TRHDE: variants seen among roughly 807,000 people sequenced by gnomAD.
TRHDE encodes the protein thyrotropin-releasing hormone-degrading ectoenzyme.
TRHDE carries 72 observed loss-of-function variants against 125.7 expected under a neutral mutation model. The ratio of observed to expected loss-of-function variants is 0.57; its 90% CI spans 0.47 to 0.70. The LOEUF (loss-of-function observed/expected upper bound fraction) is 0.70, where lower values mean the gene tolerates loss of function less well. Among genes scored for constraint, TRHDE ranks in the 30% least tolerant of loss-of-function variants. The pLI, the probability that TRHDE is intolerant of heterozygous loss-of-function variation, is 0.00. For missense variants in TRHDE, 1,110 were observed against 1,327.1 expected (o/e 0.84, Z 2.54); for synonymous variants, 509 against 509.1 (o/e 1.00, Z 0.00).
chr12:72,482,951 T>C (rs1488011878), intron 5 of TRHDE, among the ~76,000 whole-genome samples: 1 of 119,884 alleles, frequency 8.3e-6, no homozygotes, highest in Non-Finnish European at 1.6e-5. Context: ...TGACAGGACA[T>C]ATAACTTACA....
chr12:72,486,210 A>T (rs1334669382), intron 5 of TRHDE, among the ~76,000 whole-genome samples: 2 of 152,198 alleles, frequency 1.3e-5, no homozygotes, highest in Admixed American at 6.5e-5. Context: ...TCAGAGCAAC[A>T]GTTCTTAGCT....
chr12:72,372,304 G>A (rs112674608), intron 2 of TRHDE, among the ~76,000 whole-genome samples: 4 of 152,092 alleles, frequency 2.6e-5, no homozygotes, highest in East Asian at 1.9e-4. Flanking sequence ...TTTGTCAGAT[G>A]AGTAGGTTGC....
chr12:72,655,099 G>T (rs1043331314), intron 17 of TRHDE, among the ~76,000 whole-genome samples: 1 of 152,002 alleles, frequency 6.6e-6, no homozygotes, highest in African/African-American at 2.4e-5. Flanking sequence ...TTGAGACAAG[G>T]TCTCACTCTG....
At chr12:72,194,801 CTA>C (rs1190265109) in intron 2 of TRHDE, among the ~76,000 whole-genome samples, 3 of 152,056 alleles carry the variant, frequency 2.0e-5, no homozygotes, top group Admixed American at 6.6e-5. Context: ...TAGATTGACT[CTA>C]TGTCTTTGCT....
At chr12:72,570,130 A>C (rs765224669) in intron 10 of TRHDE, among the ~76,000 whole-genome samples, 2 of 152,270 alleles carry the variant, frequency 1.3e-5, no homozygotes, top group Non-Finnish European at 2.9e-5. Flanking sequence ...GATACTGATC[A>C]AACATGGGGA....
chr12:72,186,381 C>T (rs1397756310), intron 2 of TRHDE: 1 of 155,784 alleles, frequency 6.4e-6, no homozygotes, highest in Non-Finnish European at 1.4e-5. Context: ...ACTCCAGACG[C>T]GCTGCCTTAA....
intron 2 of TRHDE, among the ~76,000 whole-genome samples, chr12:72,170,798 T>C (rs1196736378): frequency 6.6e-6 from 1 of 152,182 alleles, no homozygotes; most frequent in African/African-American, 2.4e-5. Context: ...GCATTATATA[T>C]GTGTGCCCAT....
At chr12:72,504,672 A>C (rs1878289999) in intron 6 of TRHDE, among the ~76,000 whole-genome samples, 1 of 152,240 alleles carries the variant, frequency 6.6e-6, no homozygotes, top group African/African-American at 2.4e-5. Flanking sequence ...TCAGATAATT[A>C]AAATTGCATT....
chr12:72,447,603 C>G (rs563729461), intron 3 of TRHDE, among the ~76,000 whole-genome samples: 7 of 152,102 alleles, frequency 4.6e-5, no homozygotes, highest in Non-Finnish European at 7.4e-5. Context: ...GATGGTGACT[C>G]TGATACACAC....
chr12:72,268,722 C>T (rs1045080288), upstream of TRHDE, among the ~76,000 whole-genome samples: 1 of 152,102 alleles, frequency 6.6e-6, no homozygotes, highest in Non-Finnish European at 1.5e-5. Context: ...GGAGCCAATA[C>T]ATTCACTGAA....
intron 3 of TRHDE, among the ~76,000 whole-genome samples, chr12:72,427,816 T>C (rs1466806580): frequency 6.6e-6 from 1 of 152,166 alleles, no homozygotes; most frequent in Non-Finnish European, 1.5e-5. Flanking sequence ...ATGTTCAAGA[T>C]GCTGTGAAGG....
chr12:72,522,821 C>T (rs1868271140), intron 6 of TRHDE, among the ~76,000 whole-genome samples: 1 of 152,064 alleles, frequency 6.6e-6, no homozygotes, highest in South Asian at 2.1e-4. Flanking sequence ...CAGAGCATGC[C>T]CCTCACCTCT....
At chr12:72,283,912 T>G (rs926908294) in intron 1 of TRHDE, among the ~76,000 whole-genome samples, 2 of 151,726 alleles carry the variant, frequency 1.3e-5, no homozygotes, top group African/African-American at 2.4e-5. Context: ...TATATATATA[T>G]TTCATGGAAA....
At chr12:72,100,757 C>A (rs984084535) in intron 1 of TRHDE, among the ~76,000 whole-genome samples, 2 of 152,200 alleles carry the variant, frequency 1.3e-5, no homozygotes, top group African/African-American at 4.8e-5. Context: ...AGGACCCAGT[C>A]ATTCTACCAA....
intron 3 of TRHDE, among the ~76,000 whole-genome samples, chr12:72,430,010 T>C (rs1034388474): frequency 2.0e-5 from 3 of 151,816 alleles, no homozygotes; most frequent in African/African-American, 7.2e-5. Context: ...ATTTTTAATT[T>C]TGATGAAATA....
chr12:72,373,108 C>A (rs1438113783), intron 2 of TRHDE, among the ~76,000 whole-genome samples: 2 of 152,124 alleles, frequency 1.3e-5, no homozygotes, highest in Admixed American at 6.5e-5. Flanking sequence ...TCCTTCATGT[C>A]CCTTGTAAGT....
intron 12 of TRHDE, among the ~76,000 whole-genome samples, chr12:72,583,923 C>CTTTTTTT (rs1190363456): frequency 8.3e-5 from 5 of 60,486 alleles, no homozygotes; most frequent in Admixed American, 2.3e-4. Context: ...GGATGACAAA[C>CTTTTTTT]TTTTTTTTTT....
At position 72,272,613 on chromosome 12, in the gene TRHDE, A is replaced by C; in HGVS notation, c.-31A>C. 1 of 851,714 alleles carries C rather than the reference A, an allele frequency of 1.2e-6. No homozygotes were observed. Among genetic ancestry groups the C allele is most frequent in the Non-Finnish European group, 1.7e-6 (1 of 583,826 alleles). 52.8% of individuals were successfully genotyped at this position (851,714 alleles called of 1,614,324 possible). ...GTGGCCCGCCCGCGGGGGGTGCCAGAGGGGGCGGGGGAGGAGGAGGAGGCG... is the reference window on the plus strand; with the variant it reads ...GTGGCCCGCCCGCGGGGGGTGCCAGCGGGGGCGGGGGAGGAGGAGGAGGCG... On this transcript the variant is annotated 5_prime_UTR_variant, in exon 1 of 19. Transcript: ENST00000261180. The surrounding 1 kb of genome is among the most constrained non-coding windows in gnomAD (Gnocchi z 6.7).
intron 2 of TRHDE, among the ~76,000 whole-genome samples, chr12:72,111,835 T>C (rs1241528955): frequency 3.9e-5 from 6 of 152,160 alleles, no homozygotes; most frequent in Non-Finnish European, 8.8e-5. Context: ...CCCTGGTTCT[T>C]AAACAATTTT....
Sources: gnomAD v4.1 joint callset for allele counts (sites outside exome capture counted in the v4.1 genomes callset) on GRCh38, gnomAD v4.1.1 for gene constraint, Gnocchi (gnomAD v3.1) non-coding constraint, MANE v1.5 for transcripts, NCBI Gene and HGNC (gene_info 2026-07-23, HGNC 2026-07-21) for gene names.